DIP2C: variants seen among roughly 807,000 people sequenced by gnomAD.
DIP2C encodes the protein disco-interacting protein 2 homolog C.
A neutral mutation model predicts 192.4 loss-of-function variants in DIP2C; 33 were observed. That is an observed-to-expected ratio of 0.17 (90% CI 0.13 to 0.23). The LOEUF is 0.23. Ranked by LOEUF, DIP2C falls within the 10% of genes least tolerant of loss-of-function variation. DIP2C has a pLI of 1.00. For missense variants in DIP2C, 1,537 were observed against 2,110.1 expected (o/e 0.73, Z 5.32); for synonymous variants, 979 against 864.1 (o/e 1.13, Z -2.33).
chr10:614,806 A>G (rs1853337273), intron 1 of DIP2C, among the ~76,000 whole-genome samples: 1 of 152,168 alleles, frequency 6.6e-6, no homozygotes, highest in Admixed American at 6.5e-5. Flanking sequence ...TGGGAAGGAG[A>G]GGCCCAGAGC....
intron 1 of DIP2C, among the ~76,000 whole-genome samples, chr10:619,834 G>A (rs540147593): frequency 1.3e-5 from 2 of 152,286 alleles, no homozygotes; most frequent in South Asian, 4.1e-4. Context: ...CAGCTCCCGT[G>A]TTGGGAGGCA....
Position 540,830 on chromosome 10 carries a change from G to A in DIP2C, c.86-54300C>T, listed in dbSNP as rs535394413. Among the ~76,000 whole-genome samples, 6 of 152,328 alleles carry A rather than the reference G, an allele frequency of 3.9e-5. No homozygotes were observed. The South Asian group carries it at 6.2e-4, about 16-fold the overall frequency. On this transcript the variant is annotated intron_variant, in intron 1 of 36. Transcript: ENST00000280886. ...AGCAATCATGAAAGACTAATACCCT[G>A]TCATCTCTGAAACACAGGTAAAGTC...
intron 2 of DIP2C, among the ~76,000 whole-genome samples, chr10:482,173 GCAGCGGCATGGCTGTCGGGAGGGA>G (rs1261839512): frequency 8.5e-5 from 13 of 152,302 alleles, no homozygotes; most frequent in Middle Eastern, 6.8e-3. Flanking sequence ...TCATGTGGAT[GCAGCGGCATGGCTGTCGGGAGGGA>G]CAGCGGCGTG....
intron 1 of DIP2C, among the ~76,000 whole-genome samples, chr10:594,650 G>C (rs553038434): frequency 1.9e-4 from 28 of 149,412 alleles, no homozygotes; most frequent in Non-Finnish European, 3.5e-4. Context: ...GTGCTTTCTC[G>C]AGTCCCTGGC....
chr10:380,453 A>G (rs1962266592), intron 17 of DIP2C, among the ~76,000 whole-genome samples: 2 of 152,154 alleles, frequency 1.3e-5, no homozygotes, highest in South Asian at 4.1e-4. Context: ...CTGTCCCTGG[A>G]TGATGGTTAA....
At chr10:641,574 G>A (rs1855201279) in intron 1 of DIP2C, 1 of 154,104 alleles carries the variant, frequency 6.5e-6, no homozygotes, top group Non-Finnish European at 1.5e-5. Flanking sequence ...TTGATTTTCT[G>A]CCAGTACATT....
intron 1 of DIP2C, among the ~76,000 whole-genome samples, chr10:649,139 G>A (rs987429546): frequency 4.0e-5 from 6 of 148,240 alleles, no homozygotes; most frequent in African/African-American, 1.0e-4. Flanking sequence ...CTTAGTCCAC[G>A]TCCACAGTGG....
intron 1 of DIP2C, among the ~76,000 whole-genome samples, chr10:680,154 C>T (rs923695691): frequency 1.2e-4 from 18 of 152,172 alleles, no homozygotes; most frequent in African/African-American, 3.1e-4. Context: ...GCCCAGAGAA[C>T]GCTTGGGACC....
At chr10:618,533 G>A (rs183344213) in intron 1 of DIP2C, among the ~76,000 whole-genome samples, 8 of 152,310 alleles carry the variant, frequency 5.3e-5, no homozygotes, top group South Asian at 4.1e-4. Flanking sequence ...ACCACACAGC[G>A]TCCACGCCAG....
chr10:421,413 C>T (rs1966172674), intron 5 of DIP2C, among the ~76,000 whole-genome samples: 1 of 152,184 alleles, frequency 6.6e-6, no homozygotes, highest in Non-Finnish European at 1.5e-5. Context: ...CAAATGCTTC[C>T]CCCAAGTGGC....
intron 9 of DIP2C, among the ~76,000 whole-genome samples, chr10:406,593 T>C (rs1053037584): frequency 2.6e-5 from 4 of 152,206 alleles, no homozygotes; most frequent in African/African-American, 7.2e-5. Context: ...GAGAACAAAC[T>C]AACCTTGGGA....
Position 651,970 on chromosome 10 carries a change from G to A in DIP2C, c.85+37524C>T, listed in dbSNP as rs867148006. 3 of 167,856 alleles carry A rather than the reference G, an allele frequency of 1.8e-5. No homozygotes were observed. The highest frequency in any genetic ancestry group is 3.8e-5 in the Non-Finnish European group (3 of 78,056). The allele number at this position is 167,856 out of a possible 1,614,324, so 10.4% of individuals were successfully genotyped here. On this transcript the variant is annotated intron_variant, in intron 1 of 36. Transcript: ENST00000280886. The surrounding 1 kb of genome is among the most constrained non-coding windows in gnomAD (Gnocchi z 4.1). ...CCACAAGTGGACCTGCCGAACCTGC[G>A]TGTACAGAGTCGGCCCTCCGACACA...
intron 1 of DIP2C, among the ~76,000 whole-genome samples, chr10:540,757 G>T (rs530206944): frequency 8.3e-4 from 127 of 152,334 alleles, no homozygotes; most frequent in Non-Finnish European, 1.4e-3. Flanking sequence ...ATTACTGTCT[G>T]CCATTTCTTG....
At chr10:424,354 GGTTTTTTTT>G (rs1421082182) in intron 4 of DIP2C, among the ~76,000 whole-genome samples, 8 of 121,030 alleles carry the variant, frequency 6.6e-5, no homozygotes, top group East Asian at 2.4e-4. Context: ...TATCACCTTG[GGTTTTTTTT>G]TTTTTTTTTT....
chr10:339,743 T>C (rs1958053130), intron 29 of DIP2C, among the ~76,000 whole-genome samples: 1 of 152,266 alleles, frequency 6.6e-6, no homozygotes, highest in Non-Finnish European at 1.5e-5. Flanking sequence ...CAAAAATCAT[T>C]AAATATTTCA....
chr10:669,514 T>C (rs1364809443), intron 1 of DIP2C: 3 of 152,154 alleles, frequency 2.0e-5, no homozygotes, highest in African/African-American at 4.8e-5. Context: ...AGCCGAAAAA[T>C]AACATTAATT....
At chr10:497,760 G>A (rs1388417277) in intron 1 of DIP2C, among the ~76,000 whole-genome samples, 2 of 152,208 alleles carry the variant, frequency 1.3e-5, no homozygotes, top group Non-Finnish European at 2.9e-5. Context: ...TGCAGAGGAA[G>A]AATTTCTTGA....
chr10:423,923 C>CAA (rs1966390824), intron 4 of DIP2C, among the ~76,000 whole-genome samples: 1 of 152,206 alleles, frequency 6.6e-6, no homozygotes, highest in Non-Finnish European at 1.5e-5. Flanking sequence ...CTTATACATT[C>CAA]TCATTATTGA....
intron 1 of DIP2C, among the ~76,000 whole-genome samples, chr10:681,986 G>A (rs1212884488): frequency 6.6e-6 from 1 of 152,384 alleles, no homozygotes; most frequent in Non-Finnish European, 1.5e-5. Flanking sequence ...ACAGTGAGCT[G>A]ATGGCCTTCC....
Sources: gnomAD v4.1 joint callset for allele counts (sites outside exome capture counted in the v4.1 genomes callset) on GRCh38, gnomAD v4.1.1 for gene constraint, Gnocchi (gnomAD v3.1) non-coding constraint, MANE v1.5 for transcripts, NCBI Gene and HGNC (gene_info 2026-07-23, HGNC 2026-07-21) for gene names.